The following ALMS1 variants were observed in gnomAD, a reference collection of about 807,000 sequenced individuals.
ALMS1 encodes ALMS1 centrosome and basal body associated protein.
A neutral mutation model predicts 352.2 loss-of-function variants in ALMS1; 271 were observed. That is an observed-to-expected ratio of 0.77 (90% confidence interval 0.70 to 0.85). The LOEUF is 0.85. Ranked by LOEUF, ALMS1 falls within the 40% of genes least tolerant of loss-of-function variation. ALMS1 has a pLI of 0.00. For synonymous variants in ALMS1, 1,865 were observed against 1,761.2 expected, an observed-to-expected ratio of 1.06 and a Z score of -1.48; for missense variants, 5,445 against 4,870.7, an observed-to-expected ratio of 1.12 and a Z score of -3.51.
Position 73,491,482 on chromosome 2 carries a change from C to T in ALMS1, c.9523C>T (p.Pro3175Ser). ...FEGHSNPEGT[P>S]VFADRLPEKM... The stretch of plus-strand genomic sequence containing the variant: ...AGGACATTCCAATCCAGAGGGGACC[C>T]CAGTATTTGCAGATCGGTGAGTCTC... The change falls in exon 10 of 23, where the codon CCA (proline) becomes TCA (serine). Residue 3175 changes from proline to serine, a missense_variant. Transcript: ENST00000613296. 6.2e-7 allele frequency: 1 copy of T among 1,613,968 alleles called. No homozygotes were observed. The highest frequency in any genetic ancestry group is 1.7e-5 in the Admixed American group (1 of 60,022).
rs2104058944 is a variant in ALMS1 at position 73,386,039 on chromosome 2, C to G, written c.171C>G (p.Asp57Glu). ...EEEAGRELDS[D>E]SHYGPQHLES... is the part of the protein sequence containing the mutation. The stretch of plus-strand genomic sequence containing the variant: ...AGGCGGGGCGGGAGTTGGACTCCGA[C>G]TCTCACTACGGGCCCCAGCATCTGG... Residue 57 changes from aspartate to glutamate, a missense_variant, in exon 1 of 23, where the codon GAC becomes GAG. Asp to Glu is a conservative substitution (Grantham distance 45). Coordinates refer to ENST00000613296, the MANE Select transcript of ALMS1 (RefSeq NM_001378454.1). 6.4e-7 allele frequency: 1 copy of G among 1,568,856 alleles called. No individual in the cohort carries two copies. The highest frequency in any genetic ancestry group is 8.6e-7 in the Non-Finnish European group (1 of 1,157,330).
In ALMS1 at chr2:73,489,942, A is replaced by T. The variant is rs1213279792; in HGVS notation, c.7983A>T (p.Glu2661Asp). ...HSPFQNFIPDEFKISKGLRMP... is the reference protein window; with the variant it reads ...HSPFQNFIPDDFKISKGLRMP... ...CATTTCAGAACTTTATACCTGATGA[A>T]TTCAAAATCAGCAAAGGTCTTCGAA... The change falls in exon 10 of 23, where the codon GAA becomes GAT. Residue 2661 changes from glutamate (E) to aspartate (D), a missense_variant. Physicochemically the swap from Glu to Asp is conservative, Grantham distance 45 (BLOSUM62 2). Transcript: ENST00000613296. 11 of 1,614,234 alleles carry T rather than the reference A, an allele frequency of 6.8e-6. No individual in the cohort carries two copies. In the Admixed American group the frequency reaches 1.3e-4, roughly 20 times the overall value.
At chr2:73,558,512 T>G (rs1674590552) in intron 14 of ALMS1, among the ~76,000 whole-genome samples, 1 of 152,230 alleles carries the variant, frequency 6.6e-6, no homozygotes, top group Admixed American at 6.5e-5. Flanking sequence ...TAGAGTCCAC[T>G]CTCAAACAAC....
chr2:73,462,927 C>T (rs1265796224), intron 9 of ALMS1: 2 of 152,016 alleles, frequency 1.3e-5, no homozygotes, highest in East Asian at 1.9e-4. Context: ...TATATATGCA[C>T]CCAATACAGG....
intron 13 of ALMS1, among the ~76,000 whole-genome samples, chr2:73,556,430 G>C (rs904263240): frequency 1.3e-5 from 2 of 152,016 alleles, no homozygotes; most frequent in African/African-American, 4.8e-5. Context: ...TATTAGACAA[G>C]TTTAAAAGGC....
At chr2:73,607,422 C>G (rs1675839502) in intron 21 of ALMS1, among the ~76,000 whole-genome samples, 1 of 152,088 alleles carries the variant, frequency 6.6e-6, no homozygotes, top group Non-Finnish European at 1.5e-5. Context: ...CATTGCCACC[C>G]AACCCCTGCT....
intron 15 of ALMS1, among the ~76,000 whole-genome samples, chr2:73,561,285 G>A (rs1052380485): frequency 6.6e-6 from 1 of 152,064 alleles, no homozygotes; most frequent in Non-Finnish European, 1.5e-5. Context: ...CAGAGAACAG[G>A]AATCTATAAA....
chr2:73,494,942 T>G (rs555038765), intron 10 of ALMS1, among the ~76,000 whole-genome samples: 1 of 152,194 alleles, frequency 6.6e-6, no homozygotes, highest in East Asian at 1.9e-4. Flanking sequence ...TACTCTGGTG[T>G]TTTAATTTTT....
intron 9 of ALMS1, among the ~76,000 whole-genome samples, chr2:73,465,104 C>CAGT (rs1672302196): frequency 2.0e-5 from 3 of 152,136 alleles, no homozygotes; most frequent in African/African-American, 7.2e-5. Flanking sequence ...ATCAAGCTAC[C>CAGT]GGTGACTTTC....
chr2:73,409,718 C>A (rs935773185), intron 2 of ALMS1, among the ~76,000 whole-genome samples: 1 of 152,092 alleles, frequency 6.6e-6, no homozygotes, highest in African/African-American at 2.4e-5. Flanking sequence ...ATAGATACAT[C>A]TATCTATTTA....
At chr2:73,464,319 A>C (rs551538537) in intron 9 of ALMS1, among the ~76,000 whole-genome samples, 4,269 of 152,374 alleles carry the variant, frequency 0.028, 85 homozygotes, top group Non-Finnish European at 0.044. Context: ...GTAATCCAGC[A>C]TATACACAGA....
In ALMS1 at chr2:73,452,350, C is replaced by T. The variant is rs1174994694; in HGVS notation, c.5823C>T (p.Tyr1941=). 3 of 1,614,060 alleles carry T rather than the reference C, an allele frequency of 1.9e-6. No individual in the cohort carries two copies. The highest frequency in any genetic ancestry group is 2.2e-5 in the East Asian group (1 of 44,866). Reference sequence around the variant, plus strand: ...TACCAACAGTACCTTTAAGTTACTACTCACGTAGAGAGAAGCCCAGTGTTA... The same window carrying T: ...TACCAACAGTACCTTTAAGTTACTATTCACGTAGAGAGAAGCCCAGTGTTA... ...TEIPTVPLSY[Y]SRREKPSVIS... The change falls in exon 8 of 23, where the codon TAC becomes TAT. Residue 1941 remains tyrosine, a synonymous_variant. Coordinates refer to ENST00000613296, the MANE Select transcript of ALMS1 (RefSeq NM_001378454.1).
intron 7 of ALMS1, among the ~76,000 whole-genome samples, chr2:73,436,484 T>C (rs774428879): frequency 2.0e-5 from 3 of 152,218 alleles, no homozygotes; most frequent in Non-Finnish European, 4.4e-5. Flanking sequence ...TTTCTCTTTT[T>C]TGCCCAGTTA....
In ALMS1 at chr2:73,573,083, G is replaced by C. The variant is rs927100979; in HGVS notation, c.11206G>C (p.Asp3736His). The change falls in exon 16 of 23, where the codon GAT becomes CAT. Residue 3736 changes from aspartate to histidine, a missense_variant. By Grantham distance (81) the Asp-to-His change is moderately conservative. Transcript: ENST00000613296. ...GFNYISNTSS[D>H]CRPSEESELL... Reference sequence around the variant, plus strand: ...TAATTATATAAGCAACACTTCTTCGGATTGTCGGCCCTCAGAGGAGAGTGA... The same window carrying C: ...TAATTATATAAGCAACACTTCTTCGCATTGTCGGCCCTCAGAGGAGAGTGA... 9.3e-6 allele frequency: 15 copies of C among 1,614,008 alleles called. No homozygotes were observed. The highest frequency in any genetic ancestry group is 1.1e-5 in the Non-Finnish European group (13 of 1,180,000).
At chr2:73,508,147 CCTTT>C (rs924396336) in intron 10 of ALMS1, among the ~76,000 whole-genome samples, 25 of 128,198 alleles carry the variant, frequency 2.0e-4, no homozygotes, top group African/African-American at 7.6e-4. Flanking sequence ...CTTTCCCTTT[CCTTT>C]CCTTTCCTTT....
chr2:73,480,230 C>CA (rs1672667173), intron 9 of ALMS1, among the ~76,000 whole-genome samples: 1 of 152,004 alleles, frequency 6.6e-6, no homozygotes, highest in African/African-American at 2.4e-5. Context: ...TCCCCACTCC[C>CA]CCCACCCCAC....
At chr2:73,522,060 A>G (rs1673692545) in intron 11 of ALMS1, among the ~76,000 whole-genome samples, 1 of 152,150 alleles carries the variant, frequency 6.6e-6, no homozygotes, top group Admixed American at 6.5e-5. Flanking sequence ...CTTTCCCGGA[A>G]GCAGCCATTA....
At chr2:73,459,914 G>T (rs557604769) in intron 9 of ALMS1, among the ~76,000 whole-genome samples, 3 of 152,198 alleles carry the variant, frequency 2.0e-5, no homozygotes, top group East Asian at 3.9e-4. Context: ...GACAATGTGT[G>T]TGTACATAAT....
chr2:73,471,363 T>C (rs920949131), intron 9 of ALMS1, among the ~76,000 whole-genome samples: 2 of 151,560 alleles, frequency 1.3e-5, no homozygotes, highest in African/African-American at 4.8e-5. Flanking sequence ...TAAAAAGCTT[T>C]TGCACAGCAA....
Sources: allele counts gnomAD v4.1 joint callset (sites outside exome capture counted in the v4.1 genomes callset), GRCh38; gene constraint gnomAD v4.1.1; transcripts MANE v1.5; gene names NCBI Gene and HGNC (gene_info 2026-07-23, HGNC 2026-07-21).